The following ST7 variants were observed in gnomAD, a reference collection of about 807,000 sequenced individuals.
The protein encoded by ST7 is suppression of tumorigenicity 7.
Under a neutral mutation model 78.7 loss-of-function variants are expected in ST7, and 28 were observed. The ratio of observed to expected loss-of-function variants is 0.36; its 90% confidence interval spans 0.26 to 0.49. ST7 has a LOEUF of 0.49. ST7 is among the 20% of genes least tolerant of loss of function. ST7 has a pLI of 0.99. For missense variants in ST7, 418 were observed against 696.0 expected, an observed-to-expected ratio of 0.60 and a Z score of 4.49; for synonymous variants, 247 against 249.6, an observed-to-expected ratio of 0.99 and a Z score of 0.10.
intron 1 of ST7, chr7:116,956,339 G>A (rs1792483676): frequency 8.0e-6 from 3 of 376,194 alleles, no homozygotes; most frequent in South Asian, 2.1e-5. Context: ...CCCTGAGAGG[G>A]GAGGCAGGAG....
intron 1 of ST7, among the ~76,000 whole-genome samples, chr7:116,962,274 T>G (rs542697624): frequency 2.8e-4 from 42 of 152,328 alleles, no homozygotes; most frequent in African/African-American, 1.0e-3. Context: ...TATAGTAGGA[T>G]GACTTATATT....
intron 2 of ST7, among the ~76,000 whole-genome samples, chr7:117,117,165 G>C (rs1293067441): frequency 6.6e-6 from 1 of 152,122 alleles, no homozygotes; most frequent in Non-Finnish European, 1.5e-5. Flanking sequence ...TTCTCATTCT[G>C]CATCTGTAAG....
chr7:117,059,413 G>C (rs1434297611), intron 1 of ST7, among the ~76,000 whole-genome samples: 2 of 152,140 alleles, frequency 1.3e-5, no homozygotes, highest in Non-Finnish European at 2.9e-5. Flanking sequence ...TAGTGGTCAA[G>C]GCAAGAAATA....
chr7:117,075,252 A>G (rs955207871), intron 1 of ST7, among the ~76,000 whole-genome samples: 12 of 152,218 alleles, frequency 7.9e-5, no homozygotes, highest in Non-Finnish European at 1.5e-4. Flanking sequence ...ATAAGCACTC[A>G]TAGTTCAAAG....
intron 15 of ST7, among the ~76,000 whole-genome samples, chr7:117,222,625 A>G (rs1793171846): frequency 6.6e-6 from 1 of 152,192 alleles, no homozygotes; most frequent in African/African-American, 2.4e-5. Flanking sequence ...CTTTAATAAG[A>G]AAAGCCATCT....
At chr7:117,060,196 C>A (rs1413905692) in intron 1 of ST7, among the ~76,000 whole-genome samples, 3 of 151,986 alleles carry the variant, frequency 2.0e-5, no homozygotes, top group Non-Finnish European at 4.4e-5. Flanking sequence ...GGCACACAGA[C>A]CTTGGGTGGG....
chr7:116,998,655 C>G (rs7802141), intron 1 of ST7, among the ~76,000 whole-genome samples: 26,448 of 152,294 alleles, frequency 0.17, 2,773 homozygotes, highest in Non-Finnish European at 0.25. Context: ...TGAGCATTTA[C>G]TATGTGCCAG....
intron 9 of ST7, among the ~76,000 whole-genome samples, chr7:117,144,455 C>T (rs1490884591): frequency 6.6e-6 from 1 of 150,648 alleles, no homozygotes; most frequent in East Asian, 2.0e-4. Flanking sequence ...TGATGAAACC[C>T]CATCTCTACC....
chr7:117,127,955 G>A (rs1803996029), intron 3 of ST7, among the ~76,000 whole-genome samples: 1 of 151,854 alleles, frequency 6.6e-6, no homozygotes. Context: ...GTCAATTGAT[G>A]TTTAAACAGT....
At position 117,190,971 on chromosome 7, in the gene ST7, G is replaced by A; in HGVS notation, c.1254+35G>A. 1 of 1,530,044 alleles carries A rather than the reference G, an allele frequency of 6.5e-7. No individual in the cohort carries two copies. The highest frequency in any genetic ancestry group is 1.4e-5 in the African/African-American group (1 of 73,366). 94.8% of individuals were successfully genotyped at this position (1,530,044 alleles called of 1,614,324 possible). On this transcript the variant is annotated intron_variant, in intron 12 of 15. Transcript: ENST00000323984. The surrounding 1 kb of genome is among the most constrained non-coding windows in gnomAD (Gnocchi z 5.2). ...TGGAATCCCCACAGGAACTCGTTAT[G>A]ATAGCAGAGAAAGCATTCATTGACC...
intron 1 of ST7, among the ~76,000 whole-genome samples, chr7:117,077,844 C>CTTTTTTT (rs1186348708): frequency 3.3e-5 from 4 of 120,932 alleles, no homozygotes; most frequent in Non-Finnish European, 7.1e-5. Context: ...TGATTTCTTT[C>CTTTTTTT]TTTTTTTTTT....
chr7:117,146,252 A>G (rs1295436577), intron 9 of ST7: 1 of 152,242 alleles, frequency 6.6e-6, no homozygotes, highest in Non-Finnish European at 1.5e-5. Context: ...GGCATATGTG[A>G]CTGAAGACTG....
At chr7:117,073,593 A>G (rs936295960) in intron 1 of ST7, among the ~76,000 whole-genome samples, 1 of 152,208 alleles carries the variant, frequency 6.6e-6, no homozygotes, top group African/African-American at 2.4e-5. Flanking sequence ...TTGGATCCCA[A>G]CTACCCGGGT....
intron 1 of ST7, among the ~76,000 whole-genome samples, chr7:116,996,586 A>C (rs1794669253): frequency 6.6e-6 from 1 of 152,184 alleles, no homozygotes; most frequent in Non-Finnish European, 1.5e-5. Flanking sequence ...CAGTTTAGGA[A>C]TCTGTTATGT....
chr7:117,123,205 G>A (rs1053936500), intron 3 of ST7, among the ~76,000 whole-genome samples: 2 of 152,092 alleles, frequency 1.3e-5, no homozygotes, highest in African/African-American at 4.8e-5. Flanking sequence ...TAAGAATAAA[G>A]GGGAAATATC....
At chr7:117,103,033 A>G (rs937432593) in intron 2 of ST7, among the ~76,000 whole-genome samples, 1 of 152,178 alleles carries the variant, frequency 6.6e-6, no homozygotes, top group Admixed American at 6.5e-5. Flanking sequence ...AAAGTGAAAG[A>G]TGCATACAAG....
chr7:117,089,363 A>G (rs1169341956), intron 1 of ST7, among the ~76,000 whole-genome samples: 1 of 152,208 alleles, frequency 6.6e-6, no homozygotes, highest in Non-Finnish European at 1.5e-5. Context: ...TGAAATCACA[A>G]CAGATTTTTA....
At chr7:117,109,713 C>T (rs1021594767) in intron 2 of ST7, among the ~76,000 whole-genome samples, 1 of 152,108 alleles carries the variant, frequency 6.6e-6, no homozygotes, top group Admixed American at 6.6e-5. Flanking sequence ...CACCCTAATG[C>T]CCAAACCAGG....
intron 1 of ST7, among the ~76,000 whole-genome samples, chr7:117,049,036 A>G (rs1270782828): frequency 2.0e-5 from 3 of 152,214 alleles, no homozygotes; most frequent in Non-Finnish European, 2.9e-5. Flanking sequence ...GATGGAACCA[A>G]TCCAGAAAAA....
Sources: allele counts gnomAD v4.1 joint callset (sites outside exome capture counted in the v4.1 genomes callset), GRCh38; gene constraint gnomAD v4.1.1; non-coding constraint Gnocchi (gnomAD v3.1); transcripts MANE v1.5; gene names NCBI Gene and HGNC (gene_info 2026-07-23, HGNC 2026-07-21).